The following NDST3 variants were observed in gnomAD, a reference collection of about 807,000 sequenced individuals.
NDST3 encodes the protein bifunctional heparan sulfate N-deacetylase/N-sulfotransferase 3.
NDST3 carries 58 observed loss-of-function variants against 96.1 expected under a neutral mutation model. The observed-to-expected ratio is 0.60, with a 90% CI of 0.49 to 0.75. The LOEUF (loss-of-function observed/expected upper bound fraction) is 0.75, where lower values mean the gene tolerates loss of function less well. NDST3 is among the 30% of genes least tolerant of loss of function. The probability of loss-of-function intolerance (pLI) is 0.00; values close to 1 mark genes in which losing one functional copy is unlikely to be tolerated. For missense variants in NDST3, 788 were observed against 1,034.2 expected (o/e 0.76, Z 3.27); for synonymous variants, 333 against 359.7 (o/e 0.93, Z 0.84).
At chr4:118,250,636 C>T (rs935060510) in intron 12 of NDST3, among the ~76,000 whole-genome samples, 12 of 152,060 alleles carry the variant, frequency 7.9e-5, no homozygotes, top group Non-Finnish European at 1.6e-4. Flanking sequence ...AGGCATGCAG[C>T]ACCATGCCCG....
At chr4:118,059,544 A>T (rs781517208) in intron 2 of NDST3, among the ~76,000 whole-genome samples, 3 of 152,134 alleles carry the variant, frequency 2.0e-5, no homozygotes, top group Non-Finnish European at 4.4e-5. Flanking sequence ...AGATAAACTC[A>T]GCTGACTTTT....
In NDST3 at chr4:118,240,562, T is replaced by C. The variant is rs573903377; in HGVS notation, c.2157T>C (p.Phe719=). The change falls in exon 11 of 14, where the codon TTT becomes TTC. Residue 719 remains phenylalanine, a synonymous_variant. Transcript: ENST00000296499. ...RSHEDPAALK[F]SFYEVISAGP... ...ATGAAGACCCTGCAGCTCTGAAGTT[T>C]AGCTTCTACGAAGTGATCTCAGCAG... The C allele has an allele frequency of 5.7e-5, 92 of 1,613,464 alleles. No individual in the cohort carries two copies. The South Asian group carries it at 9.1e-4, about 16-fold the overall frequency.
chr4:118,230,253 A>G (rs1032218686), intron 8 of NDST3, among the ~76,000 whole-genome samples: 9 of 152,208 alleles, frequency 5.9e-5, no homozygotes, highest in Non-Finnish European at 1.2e-4. Flanking sequence ...TTGCCAGAGC[A>G]GCAACATAAG....
At chr4:118,113,050 G>A (rs1402261194) in intron 3 of NDST3, among the ~76,000 whole-genome samples, 1 of 152,104 alleles carries the variant, frequency 6.6e-6, no homozygotes, top group Non-Finnish European at 1.5e-5. Context: ...ACAGAAGTAG[G>A]AAATACAGGA....
intron 4 of NDST3, among the ~76,000 whole-genome samples, chr4:118,123,292 T>C (rs1425065450): frequency 1.3e-5 from 2 of 152,168 alleles, no homozygotes; most frequent in South Asian, 2.1e-4. Flanking sequence ...TTAAAATTAG[T>C]ACTATGTAGA....
chr4:118,212,375 C>CA (rs958859913), intron 6 of NDST3, among the ~76,000 whole-genome samples: 3 of 151,796 alleles, frequency 2.0e-5, no homozygotes, highest in African/African-American at 4.8e-5. Context: ...CCCATTTCTA[C>CA]AAAAAAATAC....
intron 2 of NDST3, among the ~76,000 whole-genome samples, chr4:118,086,384 G>A (rs1728418688): frequency 1.3e-5 from 2 of 152,062 alleles, no homozygotes; most frequent in Non-Finnish European, 2.9e-5. Context: ...CCTCTTGTGT[G>A]CATCACCCTA....
intron 6 of NDST3, among the ~76,000 whole-genome samples, chr4:118,145,018 G>C (rs1222530484): frequency 6.6e-6 from 1 of 152,190 alleles, no homozygotes; most frequent in African/African-American, 2.4e-5. Context: ...GGATAGTTTG[G>C]AGGAATGTGA....
intron 12 of NDST3, among the ~76,000 whole-genome samples, chr4:118,247,557 AAAAG>A (rs199914100): frequency 0.061 from 9,291 of 152,010 alleles, 372 homozygotes; most frequent in Non-Finnish European, 0.093. Context: ...TGTCTAAAAA[AAAAG>A]AAAGAAAGAA....
chr4:118,151,588 A>C (rs141128710), intron 6 of NDST3, among the ~76,000 whole-genome samples: 1 of 152,246 alleles, frequency 6.6e-6, no homozygotes, highest in East Asian at 1.9e-4. Flanking sequence ...TGTTAGGATC[A>C]GGCAAATAGA....
chr4:118,163,529 C>A (rs1412062545), intron 6 of NDST3, among the ~76,000 whole-genome samples: 2 of 151,922 alleles, frequency 1.3e-5, no homozygotes, highest in African/African-American at 4.8e-5. Flanking sequence ...CATATTCTCA[C>A]TCATAGGTGG....
chr4:118,096,011 G>A (rs991834912), intron 2 of NDST3, among the ~76,000 whole-genome samples: 9 of 151,774 alleles, frequency 5.9e-5, no homozygotes, highest in Non-Finnish European at 5.9e-5. Flanking sequence ...TTTAGCTATC[G>A]TGAATAGTAC....
At chr4:118,035,506 G>A (rs1377471646) in intron 1 of NDST3, among the ~76,000 whole-genome samples, 1 of 150,254 alleles carries the variant, frequency 6.7e-6, no homozygotes, top group South Asian at 2.1e-4. Flanking sequence ...CACCACCAGA[G>A]AGCAGGATGA....
chr4:118,125,658 T>G (rs1206122654), intron 4 of NDST3, among the ~76,000 whole-genome samples: 1 of 152,076 alleles, frequency 6.6e-6, no homozygotes, highest in Non-Finnish European at 1.5e-5. Flanking sequence ...ACCACAAAGA[T>G]TATGTCAAAG....
At chr4:118,083,805 T>A (rs1224753004) in intron 2 of NDST3, among the ~76,000 whole-genome samples, 3 of 152,186 alleles carry the variant, frequency 2.0e-5, no homozygotes, top group African/African-American at 7.2e-5. Flanking sequence ...TCACACCATT[T>A]GTAATGGAAA....
intron 10 of NDST3, among the ~76,000 whole-genome samples, chr4:118,240,175 G>C (rs545380549): frequency 6.6e-6 from 1 of 151,588 alleles, no homozygotes; most frequent in African/African-American, 2.4e-5. Flanking sequence ...CACTATAAAT[G>C]GTTTGCTTAT....
chr4:118,198,977 C>T (rs149395757), intron 6 of NDST3, among the ~76,000 whole-genome samples: 2 of 152,214 alleles, frequency 1.3e-5, no homozygotes, highest in East Asian at 3.9e-4. Flanking sequence ...CTTTTTGGAA[C>T]CTTTTTTTAT....
At chr4:118,047,346 CAG>C (rs1724830019) in intron 1 of NDST3, among the ~76,000 whole-genome samples, 1 of 152,182 alleles carries the variant, frequency 6.6e-6, no homozygotes, top group South Asian at 2.1e-4. Flanking sequence ...TTTAAAAAGT[CAG>C]AGTGTCTCCT....
chr4:118,255,830 T>A lies in NDST3; in HGVS notation c.*118T>A. On this transcript the variant is annotated 3_prime_UTR_variant, in exon 14 of 14. Transcript: ENST00000296499. Reference sequence around the variant, plus strand: ...CTCTTCAAATGAGAAAAAAGAACAGTTTCTTCCATGTGCTGGCACGTGGAT... The same window carrying A: ...CTCTTCAAATGAGAAAAAAGAACAGATTCTTCCATGTGCTGGCACGTGGAT... The A allele has an allele frequency of 1.7e-6, 2 of 1,206,858 alleles. No individual in the cohort carries two copies. The highest frequency in any genetic ancestry group is 2.2e-6 in the Non-Finnish European group (2 of 889,348). 74.8% of individuals were successfully genotyped at this position (1,206,858 alleles called of 1,614,324 possible).
Sources: allele counts gnomAD v4.1 joint callset (sites outside exome capture counted in the v4.1 genomes callset), GRCh38; gene constraint gnomAD v4.1.1; transcripts MANE v1.5; gene names NCBI Gene and HGNC (gene_info 2026-07-23, HGNC 2026-07-21).